The following METTL4 variants were observed in gnomAD, a reference collection of about 807,000 sequenced individuals.
METTL4 encodes the protein N(6)-adenine-specific methyltransferase METTL4.
METTL4 carries 40 observed loss-of-function variants against 54.0 expected under a neutral mutation model. The observed-to-expected ratio is 0.74, with a 90% CI of 0.58 to 0.96. The LOEUF is 0.96. Ranked by LOEUF, METTL4 falls within the 50% of genes least tolerant of loss-of-function variation. The probability of loss-of-function intolerance (pLI) is 0.00; values close to 1 mark genes in which losing one functional copy is unlikely to be tolerated. For synonymous variants in METTL4, 169 were observed against 183.8 expected (o/e 0.92, Z 0.65); for missense variants, 525 against 549.0 (o/e 0.96, Z 0.44).
chr18:2,542,048 T>C (rs901322321), intron 8 of METTL4, among the ~76,000 whole-genome samples: 1 of 152,206 alleles, frequency 6.6e-6, no homozygotes, highest in Non-Finnish European at 1.5e-5. Flanking sequence ...AGATTTTATA[T>C]ATATATGGAG....
intron 2 of METTL4, among the ~76,000 whole-genome samples, chr18:2,564,525 C>A (rs899150238): frequency 6.6e-6 from 1 of 152,078 alleles, no homozygotes; most frequent in Non-Finnish European, 1.5e-5. Flanking sequence ...AAAAGAAATT[C>A]CAATGTGCTT....
chr18:2,562,841 C>A (rs758672561), intron 3 of METTL4, among the ~76,000 whole-genome samples: 7 of 151,940 alleles, frequency 4.6e-5, no homozygotes, highest in African/African-American at 9.7e-5. Context: ...TAGAGATGAA[C>A]AGCAGTGGTG....
intron 6 of METTL4, among the ~76,000 whole-genome samples, chr18:2,545,930 G>A (rs758256355): frequency 3.3e-5 from 5 of 151,724 alleles, no homozygotes; most frequent in South Asian, 4.2e-4. Flanking sequence ...TAACTACTAC[G>A]GATTAATAAT....
chr18:2,563,832 G>A lies in METTL4; in HGVS notation c.424C>T (p.Gln142Ter), dbSNP rs2072360090. 1 of 1,609,218 alleles carries A rather than the reference G, an allele frequency of 6.2e-7. No individual in the cohort carries two copies. The highest frequency in any genetic ancestry group is 2.3e-5 in the East Asian group (1 of 44,442). The change falls in exon 3 of 9, where the codon CAA (glutamine) becomes TAA (stop). Residue 142 changes from glutamine to a stop codon, truncating the protein, a stop_gained. Coordinates refer to ENST00000574538, the MANE Select transcript of METTL4 (RefSeq NM_022840.5). LOFTEE classifies it high-confidence loss of function. ...TATTCCATAGCATCCAATTCACCTT[G>A]ATTGAAAACAACACATCTTTTACGC... Reference protein sequence around the residue: ...KKRKRCVVFNQGELDAMEYHT... With the variant: ...KKRKRCVVFN
intron 8 of METTL4, among the ~76,000 whole-genome samples, chr18:2,541,033 T>C (rs965988298): frequency 5.3e-5 from 8 of 152,246 alleles, no homozygotes; most frequent in African/African-American, 1.9e-4. Flanking sequence ...AGTGGAAAAA[T>C]ACATACAACC....
chr18:2,557,526 C>G (rs1479152746), intron 3 of METTL4, among the ~76,000 whole-genome samples: 1 of 152,126 alleles, frequency 6.6e-6, no homozygotes, highest in Non-Finnish European at 1.5e-5. Context: ...CTCCCCAAGG[C>G]AGAGGATAGA....
chr18:2,539,123 C>A lies in METTL4; in HGVS notation c.1296G>T (p.Lys432Asn). The change falls in exon 9 of 9, where the codon AAG becomes AAT. Residue 432 changes from lysine to asparagine, a missense_variant. Lys to Asn is a moderately conservative substitution (Grantham distance 94). Coordinates refer to ENST00000574538, the MANE Select transcript of METTL4 (RefSeq NM_022840.5). ...ACAACTCCAAATATTCCCCATCTGGCTTGATGTAGTCTTTTAAAACCTCTG... is the reference window on the plus strand; with the variant it reads ...ACAACTCCAAATATTCCCCATCTGGATTGATGTAGTCTTTTAAAACCTCTG... ...PLAEVLKDYIKPDGEYLELFA... is the reference protein window; with the variant it reads ...PLAEVLKDYINPDGEYLELFA... 1 of 1,613,862 alleles carries A rather than the reference C, an allele frequency of 6.2e-7. No homozygotes were observed. Among genetic ancestry groups the A allele is most frequent in the Non-Finnish European group, 8.5e-7 (1 of 1,179,838 alleles).
chr18:2,566,868 G>A lies in METTL4; in HGVS notation c.349C>T (p.Leu117=), dbSNP rs200943874. The A allele has an allele frequency of 3.2e-4, 520 of 1,608,344 alleles. 7 individuals are homozygous for A. In the South Asian group the frequency reaches 5.4e-3, roughly 17 times the overall value. ...ATTTCTTTTTTAACACCATTCATCA[G>A]ATCTTCCTTTTCATTACTTTGCTGG... ...ECQQSNEKED[L]MNGVKKEISI... Residue 117 remains leucine, a synonymous_variant, in exon 2 of 9, where the codon CTG becomes TTG. Transcript: ENST00000574538.
chr18:2,552,727 T>C lies in METTL4; in HGVS notation c.867A>G (p.Pro289=), dbSNP rs748119558. The change falls in exon 5 of 9, where the codon CCA becomes CCG. Residue 289 remains proline (P), a synonymous_variant. Transcript: ENST00000574538. ...KTFDVIVIDP[P]WQNKSVKRSN... is the part of the protein sequence containing the mutation. ...TTCTTTTAACTGATTTGTTCTGCCA[T>C]GGTGGATCTATCACAATTACATCAA... The C allele has an allele frequency of 3.7e-6, 6 of 1,611,576 alleles. No individual in the cohort carries two copies. The highest frequency in any genetic ancestry group is 5.1e-6 in the Non-Finnish European group (6 of 1,179,088).
intron 3 of METTL4, among the ~76,000 whole-genome samples, chr18:2,560,398 A>G (rs1222777231): frequency 6.6e-6 from 1 of 152,218 alleles, no homozygotes; most frequent in Admixed American, 6.5e-5. Flanking sequence ...TTATTTTTCT[A>G]TTGCTCCAGA....
rs117923881 is a variant in METTL4, at chr18:2,544,589, T to C, written c.1181+64A>G. On this transcript the variant is annotated intron_variant, in intron 7 of 8. Transcript: ENST00000574538. ...AACATTTTAAAAAGTCAATGATTAC[T>C]AATCATTTTTAAAAGCGTAAAAATT... 560 of 1,035,352 alleles carry C rather than the reference T, an allele frequency of 5.4e-4. 3 individuals carry two copies. The highest frequency in any genetic ancestry group is 1.9e-3 in the Middle Eastern group (9 of 4,694). The allele number at this position is 1,035,352 out of a possible 1,614,324, so 64.1% of individuals were successfully genotyped here. A position where few individuals can be genotyped will look rare whatever the true frequency, so the allele number is the denominator to read the frequency against.
chr18:2,544,311 A>C, intron 7 of METTL4, 25 bp from the exon 8 acceptor site: 1 of 1,553,842 alleles, frequency 6.4e-7, no homozygotes, highest in Non-Finnish European at 8.8e-7. Context: ...CAAGAAAGTA[A>C]ACTATATTTT....
At chr18:2,563,393 G>C (rs1316562818) in intron 3 of METTL4, among the ~76,000 whole-genome samples, 1 of 152,036 alleles carries the variant, frequency 6.6e-6, no homozygotes, top group East Asian at 1.9e-4. Flanking sequence ...AGTAGTTTGA[G>C]ACCAGCCTGG....
chr18:2,544,328 C>T (rs2072038440), intron 7 of METTL4, 42 bp from the exon 8 acceptor site: 1 of 1,451,024 alleles, frequency 6.9e-7, no homozygotes, highest in South Asian at 1.2e-5. Context: ...TTTTAAAAAA[C>T]AATTTTCTAT....
chr18:2,547,269 G>A (rs1171300306), intron 6 of METTL4, 86 bp downstream of exon 6: 5 of 1,077,864 alleles, frequency 4.6e-6, no homozygotes, highest in Non-Finnish European at 6.4e-6. Flanking sequence ...GTACAGCAGT[G>A]ACATGTTGAG....
In METTL4 at chr18:2,544,684, T is replaced by C. The variant is rs750537180; in HGVS notation, c.1150A>G (p.Arg384Gly). The C allele has an allele frequency of 1.4e-5, 22 of 1,612,134 alleles. No homozygotes were observed. The highest frequency in any genetic ancestry group is 1.6e-5 in the Non-Finnish European group (19 of 1,179,076). The change falls in exon 7 of 9, where the codon AGG (arginine) becomes GGG (glycine). Residue 384 changes from arginine (R) to glycine (G), a missense_variant. Arg to Gly is a moderately radical substitution (Grantham distance 125). Transcript: ENST00000574538. ...KKPYEGLILG[R>G]VQEKTALPLR... is the part of the protein sequence containing the mutation. ...GGTAGAGCAGTTTTTTCTTGAACCC[T>C]CCCCAGTATAAGACCTTCGTAGGGC...
intron 2 of METTL4, among the ~76,000 whole-genome samples, chr18:2,565,786 T>C (rs115660784): frequency 0.048 from 7,283 of 152,146 alleles, 240 homozygotes; most frequent in Middle Eastern, 0.099. Flanking sequence ...AAAGAAAATG[T>C]TGAGGCCGGG....
intron 8 of METTL4, chr18:2,540,181 A>C: frequency 2.0e-6 from 2 of 985,392 alleles, no homozygotes; most frequent in Non-Finnish European, 2.4e-6. Flanking sequence ...AAGAACACAG[A>C]AACTTTTTGA....
intron 3 of METTL4, among the ~76,000 whole-genome samples, chr18:2,562,853 G>A (rs2072342759): frequency 6.6e-6 from 1 of 151,844 alleles, no homozygotes; most frequent in African/African-American, 2.4e-5. Context: ...GCAGTGGTGT[G>A]GTACAACATT....
Sources: allele counts gnomAD v4.1 joint callset (sites outside exome capture counted in the v4.1 genomes callset), GRCh38; gene constraint gnomAD v4.1.1; transcripts MANE v1.5; gene names NCBI Gene and HGNC (gene_info 2026-07-23, HGNC 2026-07-21).